The following FBXO36 variants were observed in gnomAD, a reference collection of about 807,000 sequenced individuals.
FBXO36 encodes the protein F-box only protein 36.
A neutral mutation model predicts 17.0 loss-of-function variants in FBXO36; 18 were observed. That is an observed-to-expected ratio of 1.06 (90% CI 0.73 to 1.57). The LOEUF is 1.57. Among genes scored for constraint, FBXO36 ranks in the 40% most tolerant of loss-of-function variants. FBXO36 has a pLI of 0.00. For synonymous variants in FBXO36, 83 were observed against 85.3 expected (o/e 0.97, Z 0.15); for missense variants, 229 against 221.9 (o/e 1.03, Z -0.20).
intron 1 of FBXO36, among the ~76,000 whole-genome samples, chr2:229,955,592 A>G (rs929405937): frequency 6.6e-6 from 1 of 152,082 alleles, no homozygotes; most frequent in Non-Finnish European, 1.5e-5. Flanking sequence ...CCCTCATCAA[A>G]GAATGGAATC....
At chr2:229,966,197 A>G (rs966460237) in intron 1 of FBXO36, among the ~76,000 whole-genome samples, 2 of 152,160 alleles carry the variant, frequency 1.3e-5, no homozygotes, top group Non-Finnish European at 2.9e-5. Context: ...GTGTCTGTTC[A>G]TATCCTTCGC....
Position 229,981,647 on chromosome 2 carries a change from C to T in FBXO36, c.205+5298C>T, listed in dbSNP as rs180677454. ...AGCCTGGGAGGTCCAGGCTGTAGTG[C>T]GCTGTGATTGTGCCACTATACTCCA... is the stretch of plus-strand genomic sequence containing the variant. On this transcript the variant is annotated intron_variant, in intron 2 of 3. Transcript: ENST00000283946. 7.1e-5 allele frequency among the ~76,000 whole-genome samples: 10 copies of T among 141,296 alleles called. No homozygotes were observed. The East Asian group carries it at 1.0e-3, about 15-fold the overall frequency. 92.7% of individuals were successfully genotyped at this position (141,296 alleles called of 152,430 possible). A position where few individuals can be genotyped will look rare whatever the true frequency, so the allele number is the denominator to read the frequency against.
chr2:229,922,661 T>C (rs754042543), intron 1 of FBXO36, 52 bp downstream of exon 1: 7 of 1,588,882 alleles, frequency 4.4e-6, no homozygotes, highest in South Asian at 2.2e-5. Context: ...CCTGGCCCGG[T>C]TGGGGCCCGG....
chr2:229,939,343 A>G, intron 1 of FBXO36: 1 of 782,682 alleles, frequency 1.3e-6, no homozygotes, highest in Non-Finnish European at 1.6e-6. Context: ...CTCTCGTCCC[A>G]AGATGAGTCT....
chr2:229,980,580 C>G (rs987426045), intron 2 of FBXO36, among the ~76,000 whole-genome samples: 3 of 152,046 alleles, frequency 2.0e-5, no homozygotes, highest in Non-Finnish European at 4.4e-5. Context: ...CAGGCACCTT[C>G]CAAGCCCTGC....
chr2:229,976,077 C>A (rs111476606), intron 1 of FBXO36, among the ~76,000 whole-genome samples, 164 bp from the exon 2 acceptor site: 2 of 152,128 alleles, frequency 1.3e-5, no homozygotes, highest in Non-Finnish European at 2.9e-5. Context: ...GGAAAATGTT[C>A]TTTGATGCCC....
chr2:229,945,761 G>A (rs1577333812), intron 1 of FBXO36, among the ~76,000 whole-genome samples: 1 of 152,028 alleles, frequency 6.6e-6, no homozygotes, highest in African/African-American at 2.4e-5. Flanking sequence ...GGTGGCTCAT[G>A]CCTGTAATCC....
chr2:230,002,143 A>T (rs1560456759), intron 3 of FBXO36, among the ~76,000 whole-genome samples: 1 of 149,356 alleles, frequency 6.7e-6, no homozygotes, highest in Non-Finnish European at 1.5e-5. Flanking sequence ...GCCTATTGTT[A>T]TTTTTTTTTT....
At chr2:229,932,962 G>A in intron 1 of FBXO36, 1 of 199,092 alleles carries the variant, frequency 5.0e-6, no homozygotes, top group Non-Finnish European at 1.1e-5. Context: ...AGCTACTCAG[G>A]AGGCTGAGGT....
intron 1 of FBXO36, among the ~76,000 whole-genome samples, chr2:229,944,507 G>A (rs1474544723): frequency 6.6e-6 from 1 of 151,778 alleles, no homozygotes; most frequent in African/African-American, 2.4e-5. Context: ...GTACCCAAAA[G>A]TGTAGACTTT....
intron 1 of FBXO36, among the ~76,000 whole-genome samples, chr2:229,973,108 T>TAGG (rs34277698): frequency 0.49 from 74,775 of 151,120 alleles, 18,920 homozygotes; most frequent in Middle Eastern, 0.6. Flanking sequence ...ATAAATTCGT[T>TAGG]AAAAATTCTT....
At chr2:229,980,755 T>G (rs954106621) in intron 2 of FBXO36, among the ~76,000 whole-genome samples, 1 of 152,128 alleles carries the variant, frequency 6.6e-6, no homozygotes, top group African/African-American at 2.4e-5. Context: ...GCTGGCTGTG[T>G]TCCTGCTGGA....
intron 1 of FBXO36, chr2:229,945,019 G>C (rs1281260446): frequency 6.6e-6 from 1 of 152,164 alleles, no homozygotes; most frequent in Non-Finnish European, 1.5e-5. Context: ...AAGATCTTTG[G>C]ATTTTGTAAA....
At chr2:229,954,730 G>T (rs2077077174) in intron 1 of FBXO36, among the ~76,000 whole-genome samples, 1 of 149,526 alleles carries the variant, frequency 6.7e-6, no homozygotes, top group Admixed American at 6.7e-5. Flanking sequence ...TGTATTTTTA[G>T]TGGAGACGGG....
intron 1 of FBXO36, among the ~76,000 whole-genome samples, chr2:229,964,953 A>G (rs191985491): frequency 1.4e-3 from 219 of 152,204 alleles, no homozygotes; most frequent in African/African-American, 4.7e-3. Context: ...AAACATTTCT[A>G]CTATAAAGGT....
chr2:229,970,876 T>C (rs1429397113), intron 1 of FBXO36, among the ~76,000 whole-genome samples: 1 of 152,198 alleles, frequency 6.6e-6, no homozygotes, highest in Non-Finnish European at 1.5e-5. Context: ...CTAAAATACA[T>C]GCCTAATGAC....
At chr2:229,983,755 C>CT (rs1374279330) in intron 2 of FBXO36, among the ~76,000 whole-genome samples, 1 of 152,228 alleles carries the variant, frequency 6.6e-6, no homozygotes, top group Admixed American at 6.5e-5. Flanking sequence ...CCTAAACCCA[C>CT]TAGGTATGTG....
At chr2:229,953,597 C>T (rs1481052047) in intron 1 of FBXO36, among the ~76,000 whole-genome samples, 2 of 151,006 alleles carry the variant, frequency 1.3e-5, no homozygotes, top group Non-Finnish European at 2.9e-5. Flanking sequence ...GGGAGGATCA[C>T]TTGAGCCCTG....
chr2:229,963,911 A>G (rs2077137816), intron 1 of FBXO36, among the ~76,000 whole-genome samples: 2 of 152,216 alleles, frequency 1.3e-5, no homozygotes, highest in African/African-American at 2.4e-5. Flanking sequence ...CCAGATCCTT[A>G]CAAATGGAGT....
Sources: gnomAD v4.1 joint callset for allele counts (sites outside exome capture counted in the v4.1 genomes callset) on GRCh38, gnomAD v4.1.1 for gene constraint, MANE v1.5 for transcripts, NCBI Gene and HGNC (gene_info 2026-07-23, HGNC 2026-07-21) for gene names.